LMO1: variants seen among roughly 807,000 people sequenced by gnomAD.
LMO1 encodes LIM domain only 1.
LMO1 carries 10 observed loss-of-function variants against 18.0 expected under a neutral mutation model. That is an observed-to-expected ratio of 0.55 (90% confidence interval 0.34 to 0.94). The LOEUF (loss-of-function observed/expected upper bound fraction) is 0.94, where lower values mean the gene tolerates loss of function less well. Ranked by LOEUF, LMO1 falls within the 40% of genes least tolerant of loss-of-function variation. The probability of loss-of-function intolerance (pLI) is 0.02; values close to 1 mark genes in which losing one functional copy is unlikely to be tolerated. For missense variants in LMO1, 183 were observed against 205.7 expected, an observed-to-expected ratio of 0.89 and a Z score of 0.68; for synonymous variants, 77 against 77.9, an observed-to-expected ratio of 0.99 and a Z score of 0.06.
intron 3 of LMO1, among the ~76,000 whole-genome samples, chr11:8,225,633 T>C (rs1008968450): frequency 6.6e-6 from 1 of 152,118 alleles, no homozygotes; most frequent in African/African-American, 2.4e-5. Flanking sequence ...ATTGGTCTCC[T>C]AGTCCTCCCC....
chr11:8,230,313 G>A lies in LMO1; in HGVS notation c.217C>T (p.Leu73=). ...CACCTCAGGTAGTCGCGTCGGCACA[G>A]GATGAGGTTGGCCTTGGTGTAGAGG... is the stretch of plus-strand genomic sequence containing the variant. ...STLYTKANLI[L]CRRDYLRLFG... The change falls in exon 2 of 4, where the codon CTG becomes TTG. Residue 73 remains leucine (L), a synonymous_variant. Coordinates refer to ENST00000335790, the MANE Select transcript of LMO1 (RefSeq NM_002315.3). 2 of 1,613,886 alleles carry A rather than the reference G, an allele frequency of 1.2e-6. No homozygotes were observed. Among genetic ancestry groups the A allele is most frequent in the South Asian group, 1.1e-5 (1 of 91,076 alleles).
At chr11:8,248,379 G>C (rs1428480436) in intron 1 of LMO1, among the ~76,000 whole-genome samples, 1 of 152,190 alleles carries the variant, frequency 6.6e-6, no homozygotes, top group Admixed American at 6.5e-5. Flanking sequence ...CCTTGAGACA[G>C]CATGGAGTGG....
chr11:8,224,700 G>T lies in LMO1; in HGVS notation c.387C>A (p.Phe129Leu). 1 of 1,605,928 alleles carries T rather than the reference G, an allele frequency of 6.2e-7. No individual in the cohort carries two copies. The highest frequency in any genetic ancestry group is 8.5e-7 in the Non-Finnish European group (1 of 1,175,916). ...ACAAGATCATGTTGTTCTTCAGGAA[G>T]AATTTGTCTCCCACACAAAATCTAG... is the stretch of plus-strand genomic sequence containing the variant. Reference protein sequence around the residue: ...CNQRFCVGDKFFLKNNMILCQ... With the variant: ...CNQRFCVGDKLFLKNNMILCQ... Residue 129 changes from phenylalanine (F) to leucine (L), a missense_variant, in exon 4 of 4, where the codon TTC becomes TTA. Physicochemically the swap from Phe to Leu is conservative, Grantham distance 22. Transcript: ENST00000335790.
Position 8,263,507 on chromosome 11 carries a change from C to T in LMO1, c.-145G>A. The T allele has an allele frequency of 1.4e-6, 2 of 1,436,914 alleles. No individual in the cohort carries two copies. Among genetic ancestry groups the T allele is most frequent in the Non-Finnish European group, 1.8e-6 (2 of 1,099,418 alleles). 89.0% of individuals were successfully genotyped at this position (1,436,914 alleles called of 1,614,324 possible). A position where few individuals can be genotyped will look rare whatever the true frequency, so the allele number is the denominator to read the frequency against. ...TCCGGCTCTTAACCTAGATTGCACT[C>T]AGCTAGAATTACATTCAGGAGTGAA... On this transcript the variant is annotated 5_prime_UTR_variant, in exon 1 of 4. Coordinates refer to ENST00000335790, the MANE Select transcript of LMO1 (RefSeq NM_002315.3).
rs1307250760 is a variant in LMO1, at chr11:8,224,541, G to GTGGC, written c.*71_*74dup. The GTGGC allele has an allele frequency of 3.5e-6, 3 of 868,038 alleles. No homozygotes were observed. The highest frequency in any genetic ancestry group is 5.6e-6 in the Non-Finnish European group (3 of 539,534). 53.8% of individuals were successfully genotyped at this position (868,038 alleles called of 1,614,324 possible). A position where few individuals can be genotyped will look rare whatever the true frequency, so the allele number is the denominator to read the frequency against. ...CGGCTGGCCAGCCTGCACTGGTAGAGTGGCTGGCTGGCCGGCCAGGCAGGT... is the reference window on the plus strand; with the variant it reads ...CGGCTGGCCAGCCTGCACTGGTAGAGTGGCTGGCTGGCTGGCCGGCCAGGCAGGT... On this transcript the variant is annotated 3_prime_UTR_variant, in exon 4 of 4. Coordinates refer to ENST00000335790, the MANE Select transcript of LMO1 (RefSeq NM_002315.3).
intron 1 of LMO1, among the ~76,000 whole-genome samples, chr11:8,255,109 C>A (rs984064672): frequency 6.6e-6 from 1 of 152,186 alleles, no homozygotes; most frequent in African/African-American, 2.4e-5. Context: ...ATCTGCTTCT[C>A]CACCCTTTGA....
chr11:8,246,084 TCACCTCCCACCTGTCCC>T (rs922745273), intron 1 of LMO1, among the ~76,000 whole-genome samples: 37 of 152,234 alleles, frequency 2.4e-4, no homozygotes, highest in African/African-American at 8.4e-4. Context: ...CGTGATCCAA[TCACCTCCCACCTGTCCC>T]CACCTGCAAC....
In LMO1 at chr11:8,230,533, A is replaced by G. The variant is rs755725432; in HGVS notation, c.26-29T>C. ...CAGACGGACAGACAGACAGCAACGC[A>G]GGATGGGCCCCGTAGCTCTGGGCCT... On this transcript the variant is annotated intron_variant, in intron 1 of 3. Coordinates refer to ENST00000335790, the MANE Select transcript of LMO1 (RefSeq NM_002315.3). 2.5e-6 allele frequency: 4 copies of G among 1,599,838 alleles called. No homozygotes were observed. In the Admixed American group the frequency reaches 6.7e-5, roughly 27 times the overall value.
chr11:8,250,371 CT>C (rs569866663), intron 1 of LMO1, among the ~76,000 whole-genome samples: 7 of 152,008 alleles, frequency 4.6e-5, no homozygotes, highest in Non-Finnish European at 7.4e-5. Flanking sequence ...CTTCCTGGAT[CT>C]TTTTTTTGAG....
intron 1 of LMO1, among the ~76,000 whole-genome samples, chr11:8,253,399 C>T (rs1847037672): frequency 6.6e-6 from 1 of 152,158 alleles, no homozygotes; most frequent in Non-Finnish European, 1.5e-5. Flanking sequence ...TTTCAACAGA[C>T]CTAAAAGGTA....
At position 8,227,061 on chromosome 11, in the gene LMO1, C is replaced by T; in HGVS notation, c.279G>A (p.Lys93=). The change falls in exon 3 of 4, where the codon AAG becomes AAA. Residue 93 remains lysine (K), a synonymous_variant. Transcript: ENST00000335790. Reference sequence around the variant, plus strand: ...TCACCATCTCGAAGGCTGGGATCAGCTTGCTGCAAGCAGCACAGTTCCCTG... The same window carrying T: ...TCACCATCTCGAAGGCTGGGATCAGTTTGCTGCAAGCAGCACAGTTCCCTG... ...GTTGNCAACS[K]LIPAFEMVMR... The T allele has an allele frequency of 1.2e-6, 2 of 1,613,962 alleles. No individual in the cohort carries two copies. The highest frequency in any genetic ancestry group is 1.7e-6 in the Non-Finnish European group (2 of 1,179,896).
chr11:8,267,263 C>T (rs1430145751), upstream of LMO1, among the ~76,000 whole-genome samples: 4 of 152,228 alleles, frequency 2.6e-5, no homozygotes, highest in African/African-American at 7.2e-5. Context: ...TGCCTTGTGA[C>T]TCAAGGGTTT....
upstream of LMO1, among the ~76,000 whole-genome samples, chr11:8,266,877 A>G (rs1347237610): frequency 6.6e-6 from 1 of 152,198 alleles, no homozygotes; most frequent in Admixed American, 6.5e-5. Flanking sequence ...TGATGCTCAG[A>G]GAGGTATTGG....
chr11:8,227,195 C>G, intron 2 of LMO1, 95 bp from the exon 3 acceptor site: 2 of 1,526,408 alleles, frequency 1.3e-6, no homozygotes, highest in Non-Finnish European at 1.8e-6. Context: ...CCTTCCCATA[C>G]TCCAACTTGT....
At chr11:8,258,631 T>C (rs568709656) in intron 1 of LMO1, among the ~76,000 whole-genome samples, 1 of 152,306 alleles carries the variant, frequency 6.6e-6, no homozygotes, top group East Asian at 1.9e-4. Context: ...GTGAAGTTCC[T>C]TAAATGGAAG....
intron 1 of LMO1, among the ~76,000 whole-genome samples, chr11:8,246,943 C>T (rs906261379): frequency 1.3e-5 from 2 of 152,158 alleles, no homozygotes; most frequent in African/African-American, 4.8e-5. Flanking sequence ...CACCCCCTTA[C>T]CTCCTTCCCC....
intron 1 of LMO1, among the ~76,000 whole-genome samples, chr11:8,245,327 T>C (rs1275598388): frequency 1.3e-5 from 2 of 152,152 alleles, no homozygotes; most frequent in African/African-American, 4.8e-5. Context: ...AAGTTCAGGC[T>C]CTGCCATCGA....
intron 1 of LMO1, among the ~76,000 whole-genome samples, chr11:8,260,396 G>A (rs903205467): frequency 2.6e-4 from 40 of 152,144 alleles, no homozygotes; most frequent in African/African-American, 8.9e-4. Flanking sequence ...TAGAAAGCCC[G>A]GACCCTGAGT....
chr11:8,224,779 G>GA lies in LMO1; in HGVS notation c.366-59_366-58insT, dbSNP rs1554989482. The GA allele has an allele frequency of 6.1e-5, 70 of 1,152,988 alleles. 1 individual carries two copies. The highest frequency in any genetic ancestry group is 8.2e-5 in the Non-Finnish European group (65 of 787,928). The allele number at this position is 1,152,988 out of a possible 1,614,324, so 71.4% of individuals were successfully genotyped here. A position where few individuals can be genotyped will look rare whatever the true frequency, so the allele number is the denominator to read the frequency against. On this transcript the variant is annotated intron_variant, in intron 3 of 3. Transcript: ENST00000335790. ...GGAAGGTCCCAGTGGGTAAGGGGGG[G>GA]GCTGCAGACAGAAGCCGGCCTGGCC...
Sources: gnomAD v4.1 joint callset for allele counts (sites outside exome capture counted in the v4.1 genomes callset) on GRCh38, gnomAD v4.1.1 for gene constraint, MANE v1.5 for transcripts, NCBI Gene and HGNC (gene_info 2026-07-23, HGNC 2026-07-21) for gene names.